The following CIT variants were observed in gnomAD, a reference collection of about 807,000 sequenced individuals.
CIT encodes the protein citron Rho-interacting kinase.
In CIT, 79 loss-of-function variants were observed where a neutral mutation model predicts 272.7. The observed-to-expected ratio is 0.29, with a 90% confidence interval of 0.24 to 0.35. The LOEUF (loss-of-function observed/expected upper bound fraction) is 0.35, where lower values mean the gene tolerates loss of function less well. Ranked by LOEUF, CIT falls within the 10% of genes least tolerant of loss-of-function variation. The pLI is 1.00. For missense variants in CIT, 1,909 were observed against 2,618.3 expected (o/e 0.73, Z 5.91); for synonymous variants, 948 against 995.6 (o/e 0.95, Z 0.90).
chr12:119,735,065 T>G, intron 25 of CIT, 95 bp downstream of exon 25: 1 of 1,125,250 alleles, frequency 8.9e-7, no homozygotes, highest in South Asian at 1.4e-5. Context: ...CTGTATGAGG[T>G]TCAGTGTTGG....
Position 119,784,085 on chromosome 12 carries a change from C to A in CIT, c.1402-34G>T. 6.2e-7 allele frequency: 1 copy of A among 1,613,454 alleles called. No homozygotes were observed. The highest frequency in any genetic ancestry group is 1.1e-5 in the South Asian group (1 of 90,970). ...AACACATCGACAGGTTAAAAAGGCC[C>A]GTGGAGGTTCATTAGGAGCAATCAC... On this transcript the variant is annotated intron_variant, in intron 11 of 47. Transcript: ENST00000392521. The surrounding 1 kb of genome is among the most constrained non-coding windows in gnomAD (Gnocchi z 4.7).
chr12:119,745,373 G>GCAAAAAAAAAAAAAAAAA (rs1959207872), intron 23 of CIT, among the ~76,000 whole-genome samples: 1 of 2,238 alleles, frequency 4.5e-4, no homozygotes, highest in Non-Finnish European at 9.2e-4. Flanking sequence ...GAAGAAACAA[G>GCAAAAAAAAAAAAAAAAA]CAAAAAAAAA....
At chr12:119,816,437 T>G (rs1467524214) in intron 9 of CIT, among the ~76,000 whole-genome samples, 1 of 152,106 alleles carries the variant, frequency 6.6e-6, no homozygotes, top group Non-Finnish European at 1.5e-5. Context: ...TCCCCATACC[T>G]TAAGCCCGAA....
chr12:119,733,529 C>CAAAA (rs113216303), intron 26 of CIT, among the ~76,000 whole-genome samples: 1 of 103,876 alleles, frequency 9.6e-6, no homozygotes, highest in African/African-American at 3.2e-5. Context: ...GACTCTGTCA[C>CAAAA]AAAAAAAAAA....
intron 10 of CIT, among the ~76,000 whole-genome samples, chr12:119,790,809 C>CAAT (rs1343408549): frequency 6.6e-6 from 1 of 152,156 alleles, no homozygotes; most frequent in African/African-American, 2.4e-5. Context: ...AAGAATTATC[C>CAAT]AGCCCAAAAT....
At chr12:119,721,091 C>T (rs1407656266) in intron 29 of CIT, among the ~76,000 whole-genome samples, 2 of 152,140 alleles carry the variant, frequency 1.3e-5, no homozygotes, top group Non-Finnish European at 2.9e-5. Context: ...CTCAGTCTCC[C>T]GAGTAGCTGG....
At chr12:119,709,545 C>G (rs79469120) in intron 39 of CIT, among the ~76,000 whole-genome samples, 1 of 152,158 alleles carries the variant, frequency 6.6e-6, no homozygotes, top group Non-Finnish European at 1.5e-5. Context: ...GTATGTCAGT[C>G]CCCGGATCCA....
At chr12:119,801,089 C>T (rs1295097143) in intron 10 of CIT, among the ~76,000 whole-genome samples, 1 of 152,192 alleles carries the variant, frequency 6.6e-6, no homozygotes, top group Non-Finnish European at 1.5e-5. Context: ...CTGATGCCAT[C>T]GTCCAAATAA....
At chr12:119,723,575 G>C (rs1347196748) in intron 28 of CIT, among the ~76,000 whole-genome samples, 3 of 152,114 alleles carry the variant, frequency 2.0e-5, no homozygotes, top group African/African-American at 7.2e-5. Context: ...CGAGGAAACT[G>C]TAAGGAAAAA....
At chr12:119,836,802 A>C (rs1969052747) in intron 5 of CIT, among the ~76,000 whole-genome samples, 1 of 152,244 alleles carries the variant, frequency 6.6e-6, no homozygotes, top group Admixed American at 6.5e-5. Flanking sequence ...AACACAACTT[A>C]GTATTTGGCA....
intron 10 of CIT, among the ~76,000 whole-genome samples, chr12:119,791,876 T>C (rs139003590): frequency 0.013 from 2,034 of 152,338 alleles, 32 homozygotes; most frequent in Non-Finnish European, 0.02. Flanking sequence ...GGCATGGTCA[T>C]TACCGCTGTA....
intron 9 of CIT, among the ~76,000 whole-genome samples, chr12:119,822,432 C>G (rs1967800705): frequency 6.6e-6 from 1 of 152,172 alleles, no homozygotes; most frequent in Non-Finnish European, 1.5e-5. Flanking sequence ...CAGCCATTAG[C>G]AGAACAACCT....
chr12:119,769,851 T>C (rs541168078), intron 18 of CIT, among the ~76,000 whole-genome samples: 14 of 152,354 alleles, frequency 9.2e-5, no homozygotes, highest in Admixed American at 5.2e-4. Flanking sequence ...TGGTATTAAG[T>C]ATAGACCTAT....
chr12:119,870,532 A>G (rs1950639083), intron 2 of CIT, among the ~76,000 whole-genome samples: 2 of 138,282 alleles, frequency 1.4e-5, no homozygotes, highest in South Asian at 2.5e-4. Flanking sequence ...CCTAGGCAAC[A>G]CAGTGAGACT....
At chr12:119,850,437 G>GGGAAAGGGAA (rs1268834282) in intron 4 of CIT, among the ~76,000 whole-genome samples, 162 bp from the exon 5 acceptor site, 3 of 145,122 alleles carry the variant, frequency 2.1e-5, no homozygotes, top group South Asian at 2.2e-4. Context: ...AGGAAGAAGA[G>GGGAAAGGGAA]GGAAAGGGAA....
chr12:119,804,258 C>T lies in CIT; in HGVS notation c.1112-869G>A, dbSNP rs1248353232. On this transcript the variant is annotated intron_variant, in intron 9 of 47. Transcript: ENST00000392521. This position sits in a 1 kb window ranked among gnomAD's most constrained non-coding sequence, Gnocchi z 5.3. ...CTCGGTCTGGGAGGTGGACACTCGT[C>T]CATCAGTCACCAGGAGGCTGCCCAT... 1.0e-6 allele frequency: 1 copy of T among 985,380 alleles called. No individual in the cohort carries two copies. The highest frequency in any genetic ancestry group is 6.1e-5 in the Admixed American group (1 of 16,276). The allele number at this position is 985,380 out of a possible 1,614,324, so 61.0% of individuals were successfully genotyped here. A position where few individuals can be genotyped will look rare whatever the true frequency, so the allele number is the denominator to read the frequency against.
At chr12:119,833,978 G>T (rs1327348717) in intron 6 of CIT, 108 bp downstream of exon 6, 1 of 1,157,040 alleles carries the variant, frequency 8.6e-7, no homozygotes, top group Non-Finnish European at 1.2e-6. Context: ...AAACTGGATG[G>T]GGCGTTATCT....
intron 10 of CIT, among the ~76,000 whole-genome samples, chr12:119,786,194 GATAA>G (rs1566042615): frequency 6.6e-6 from 1 of 152,120 alleles, no homozygotes; most frequent in African/African-American, 2.4e-5. Context: ...ACTGCCAGTT[GATAA>G]ATAGTTTCTG....
intron 39 of CIT, 53 bp from the exon 40 acceptor site, chr12:119,708,371 T>C (rs1956985061): frequency 7.0e-7 from 1 of 1,433,226 alleles, no homozygotes; most frequent in Admixed American, 2.5e-5. Context: ...TAAGTAAAGG[T>C]ACGGGATGGT....
Sources: allele counts gnomAD v4.1 joint callset (sites outside exome capture counted in the v4.1 genomes callset), GRCh38; gene constraint gnomAD v4.1.1; non-coding constraint Gnocchi (gnomAD v3.1); transcripts MANE v1.5; gene names NCBI Gene and HGNC (gene_info 2026-07-23, HGNC 2026-07-21).